AGAP1: variants seen among roughly 807,000 people sequenced by gnomAD.
The protein encoded by AGAP1 is ArfGAP with GTPase domain, ankyrin repeat and PH domain 1, also known as arf-GAP with GTPase, ANK repeat and PH domain-containing protein 1.
Under a neutral mutation model 105.3 loss-of-function variants are expected in AGAP1, and 29 were observed. That is an observed-to-expected ratio of 0.28 (90% CI 0.21 to 0.38). The LOEUF (loss-of-function observed/expected upper bound fraction) is 0.38, where lower values mean the gene tolerates loss of function less well. Ranked by LOEUF, AGAP1 falls within the 10% of genes least tolerant of loss-of-function variation. The pLI is 1.00. For missense variants in AGAP1, 998 were observed against 1,165.1 expected, an observed-to-expected ratio of 0.86 and a Z score of 2.09; for synonymous variants, 509 against 485.9, an observed-to-expected ratio of 1.05 and a Z score of -0.63.
At position 235,883,883 on chromosome 2, in the gene AGAP1, T is replaced by G. The variant is rs559863616; in HGVS notation, c.1155+434T>G. Reference sequence around the variant, plus strand: ...CAAATGCAATTCATGACTCAGCTTTTATTGTCAGATAACACATTCCAGTGC... The same window carrying G: ...CAAATGCAATTCATGACTCAGCTTTGATTGTCAGATAACACATTCCAGTGC... On this transcript the variant is annotated intron_variant, in intron 10 of 17. Coordinates refer to ENST00000304032, the MANE Select transcript of AGAP1 (RefSeq NM_001037131.3). This position sits in a 1 kb window ranked among gnomAD's most constrained non-coding sequence, Gnocchi z 4.5. Among the ~76,000 whole-genome samples, 1 of 152,330 alleles carries G rather than the reference T, an allele frequency of 6.6e-6. No individual in the cohort carries two copies. Among genetic ancestry groups the G allele is most frequent in the South Asian group, 2.1e-4 (1 of 4,828 alleles).
chr2:236,093,209 G>T (rs1403932329), intron 16 of AGAP1, among the ~76,000 whole-genome samples: 1 of 152,132 alleles, frequency 6.6e-6, no homozygotes, highest in African/African-American at 2.4e-5. Flanking sequence ...TGGGGGAGAG[G>T]AACAAAATAT....
chr2:235,831,547 A>G (rs1301188748), intron 9 of AGAP1, among the ~76,000 whole-genome samples: 4 of 152,188 alleles, frequency 2.6e-5, no homozygotes, highest in Non-Finnish European at 5.9e-5. Context: ...AGGATGCCAT[A>G]GAGTTGGAAT....
Position 235,733,082 on chromosome 2 carries a change from C to T in AGAP1, c.311-7881C>T, listed in dbSNP as rs1024447692. On this transcript the variant is annotated intron_variant, in intron 3 of 17. Transcript: ENST00000304032. The surrounding 1 kb of genome is among the most constrained non-coding windows in gnomAD (Gnocchi z 5.0). ...AAAGAGTCTGCCCTTCTTTAGGGAC[C>T]AGGGCTCTGCTCTTCCTGGGAATTT... 4.6e-5 allele frequency among the ~76,000 whole-genome samples: 7 copies of T among 152,194 alleles called. No individual in the cohort carries two copies. Among genetic ancestry groups the T allele is most frequent in the African/African-American group, 1.4e-4 (6 of 41,462 alleles).
chr2:235,589,350 C>T (rs1025800784), intron 1 of AGAP1, among the ~76,000 whole-genome samples: 16 of 151,656 alleles, frequency 1.1e-4, no homozygotes, highest in East Asian at 9.7e-4. Flanking sequence ...GGATTACAGG[C>T]GCCTGCCACC....
At chr2:235,497,780 T>C (rs1164881569) in intron 1 of AGAP1, among the ~76,000 whole-genome samples, 1 of 152,160 alleles carries the variant, frequency 6.6e-6, no homozygotes, top group Non-Finnish European at 1.5e-5. Context: ...GTTTTTTTAG[T>C]AGAGACGGGG....
At position 235,690,846 on chromosome 2, in the gene AGAP1, C is replaced by T. The variant is rs750843050; in HGVS notation, c.164-18333C>T. On this transcript the variant is annotated intron_variant, in intron 1 of 17. Transcript: ENST00000304032. This position sits in a 1 kb window ranked among gnomAD's most constrained non-coding sequence, Gnocchi z 4.1. The stretch of plus-strand genomic sequence containing the variant: ...TCCAGTCTAGTCATAGTATTGGTTT[C>T]GAGAAGTCAAAATCAATGTTTTATT... Among the ~76,000 whole-genome samples the T allele has an allele frequency of 1.3e-5, 2 of 152,082 alleles. No homozygotes were observed. The highest frequency in any genetic ancestry group is 2.9e-5 in the Non-Finnish European group (2 of 68,022).
At chr2:235,587,200 A>T (rs937449792) in intron 1 of AGAP1, among the ~76,000 whole-genome samples, 8 of 152,212 alleles carry the variant, frequency 5.3e-5, no homozygotes, top group Non-Finnish European at 1.2e-4. Context: ...TTGTCTCCTC[A>T]TTCTGTGCAG....
rs57008190 is a variant in AGAP1 at position 235,770,133 on chromosome 2, C to CTTTTTTTTTTTTTT, written c.673+19657_673+19658insTTTTTTTTTTTTTT. On this transcript the variant is annotated intron_variant, in intron 6 of 17. Transcript: ENST00000304032. Reference sequence around the variant, plus strand: ...CACACATTTTTTTCTTTCTTTGTTTCTTTTTTTTTTTTGAGACGGAGTCTC... The same window carrying CTTTTTTTTTTTTTT: ...CACACATTTTTTTCTTTCTTTGTTTCTTTTTTTTTTTTTTTTTTTTTTTTTTGAGACGGAGTCTC... Among the ~76,000 whole-genome samples, 40 of 136,660 alleles carry CTTTTTTTTTTTTTT rather than the reference C, an allele frequency of 2.9e-4. 1 individual carries two copies. Among genetic ancestry groups the CTTTTTTTTTTTTTT allele is most frequent in the Admixed American group, 4.7e-4 (6 of 12,658 alleles). 89.7% of individuals were successfully genotyped at this position (136,660 alleles called of 152,430 possible). A position where few individuals can be genotyped will look rare whatever the true frequency, so the allele number is the denominator to read the frequency against.
chr2:235,626,817 A>G (rs1281194706), intron 1 of AGAP1, among the ~76,000 whole-genome samples: 2 of 152,182 alleles, frequency 1.3e-5, no homozygotes, highest in African/African-American at 4.8e-5. Context: ...TCTTGTAGGG[A>G]GAGGTACAGA....
In AGAP1 at chr2:235,887,646, G is replaced by C. The variant is rs1009805972; in HGVS notation, c.1155+4197G>C. Among the ~76,000 whole-genome samples, 2 of 152,102 alleles carry C rather than the reference G, an allele frequency of 1.3e-5. No individual in the cohort carries two copies. The highest frequency in any genetic ancestry group is 4.8e-5 in the African/African-American group (2 of 41,406). On this transcript the variant is annotated intron_variant, in intron 10 of 17. Transcript: ENST00000304032. This position sits in a 1 kb window ranked among gnomAD's most constrained non-coding sequence, Gnocchi z 4.1. ...TCTCATATAGCATAGCCTACAGCCC[G>C]TTCTTTTCCACAGAGCCCAGGAAAA...
In AGAP1 at chr2:236,040,745, G is replaced by T; in HGVS notation, c.1801-6G>T. On this transcript the variant is annotated splice_polypyrimidine_tract_variant and splice_region_variant and intron_variant, in intron 14 of 17. Coordinates refer to ENST00000304032, the MANE Select transcript of AGAP1 (RefSeq NM_001037131.3). This position sits in a 1 kb window ranked among gnomAD's most constrained non-coding sequence, Gnocchi z 5.6. ...GCCTTGTATTTGTGTCTTCCTCCGT[G>T]CCCAGTCCCGGCTGACGAGCCAGAG... 6.2e-7 allele frequency: 1 copy of T among 1,612,814 alleles called. No individual in the cohort carries two copies. The highest frequency in any genetic ancestry group is 1.1e-5 in the South Asian group (1 of 91,016).
chr2:235,980,593 C>T (rs185683927), intron 13 of AGAP1, among the ~76,000 whole-genome samples: 73 of 152,276 alleles, frequency 4.8e-4, no homozygotes, highest in African/African-American at 1.2e-3. Flanking sequence ...TTCAGGTTCC[C>T]GGATTGATCC....
At chr2:235,711,052 T>G (rs1950830481) in intron 2 of AGAP1, among the ~76,000 whole-genome samples, 1 of 152,124 alleles carries the variant, frequency 6.6e-6, no homozygotes, top group Non-Finnish European at 1.5e-5. Context: ...GGAGCTGAGG[T>G]GTGAGCCTGG....
At chr2:235,634,509 A>C (rs1232904505) in intron 1 of AGAP1, among the ~76,000 whole-genome samples, 1 of 152,182 alleles carries the variant, frequency 6.6e-6, no homozygotes, top group African/African-American at 2.4e-5. Flanking sequence ...TTTTGTGTCA[A>C]AATGGAGTCT....
chr2:235,581,448 C>CT (rs60302284), intron 1 of AGAP1, among the ~76,000 whole-genome samples: 3,996 of 136,090 alleles, frequency 0.029, 155 homozygotes, highest in African/African-American at 0.088. Context: ...TTATATTGTT[C>CT]TTTTTTTTTT....
rs1222097979 is a variant in AGAP1, at chr2:235,555,228, T to C, written c.163+60379T>C. ...TGCCCGCCCTGCAGTGCCATCCTTC[T>C]TGCCGCTCCCACCCACTTCTGTGAT... is the stretch of plus-strand genomic sequence containing the variant. On this transcript the variant is annotated intron_variant, in intron 1 of 17. Coordinates refer to ENST00000304032, the MANE Select transcript of AGAP1 (RefSeq NM_001037131.3). This position sits in a 1 kb window ranked among gnomAD's most constrained non-coding sequence, Gnocchi z 5.1. Among the ~76,000 whole-genome samples, 3 of 152,164 alleles carry C rather than the reference T, an allele frequency of 2.0e-5. No individual in the cohort carries two copies. The highest frequency in any genetic ancestry group is 7.2e-5 in the African/African-American group (3 of 41,432).
In AGAP1 at chr2:235,659,314, T is replaced by C. The variant is rs1344301189; in HGVS notation, c.164-49865T>C. ...TAGTACCTACCTCTCTGTGGCACTT[T>C]GGGGGTAGAATGGATGAACTGAATT... On this transcript the variant is annotated intron_variant, in intron 1 of 17. Coordinates refer to ENST00000304032, the MANE Select transcript of AGAP1 (RefSeq NM_001037131.3). The surrounding 1 kb of genome is among the most constrained non-coding windows in gnomAD (Gnocchi z 5.0). 6.6e-6 allele frequency among the ~76,000 whole-genome samples: 1 copy of C among 152,202 alleles called. No individual in the cohort carries two copies. The highest frequency in any genetic ancestry group is 6.5e-5 in the Admixed American group (1 of 15,284).
chr2:235,536,771 CAGAG>C (rs976656637), intron 1 of AGAP1, among the ~76,000 whole-genome samples: 22 of 152,106 alleles, frequency 1.4e-4, no homozygotes, highest in African/African-American at 5.1e-4. Flanking sequence ...AGCGGTGAAC[CAGAG>C]AGAGAGGGAG....
intron 1 of AGAP1, among the ~76,000 whole-genome samples, chr2:235,564,173 T>C (rs963606550): frequency 3.3e-5 from 5 of 152,214 alleles, no homozygotes; most frequent in African/African-American, 1.2e-4. Flanking sequence ...GCCCTGGCCT[T>C]TATCCATCGA....
Sources: gnomAD v4.1 joint callset for allele counts (sites outside exome capture counted in the v4.1 genomes callset) on GRCh38, gnomAD v4.1.1 for gene constraint, Gnocchi (gnomAD v3.1) non-coding constraint, MANE v1.5 for transcripts, NCBI Gene and HGNC (gene_info 2026-07-23, HGNC 2026-07-21) for gene names.